HYDIN: variants seen among roughly 807,000 people sequenced by gnomAD.
HYDIN encodes the protein HYDIN axonemal central pair apparatus protein.
A neutral mutation model predicts 403.9 loss-of-function variants in HYDIN; 132 were observed. That is an observed-to-expected ratio of 0.33 (90% CI 0.28 to 0.38). The LOEUF (loss-of-function observed/expected upper bound fraction) is 0.38, where lower values mean the gene tolerates loss of function less well. Ranked by LOEUF, HYDIN falls within the 10% of genes least tolerant of loss-of-function variation. HYDIN has a pLI of 1.00. For missense variants in HYDIN, 2,827 were observed against 5,009.5 expected (o/e 0.56, Z 13.15); for synonymous variants, 1,202 against 1,891.7 (o/e 0.64, Z 9.46).
intron 1 of HYDIN, among the ~76,000 whole-genome samples, chr16:71,199,679 G>C (rs1456561665): frequency 6.6e-6 from 1 of 152,126 alleles, no homozygotes; most frequent in African/African-American, 2.4e-5. Context: ...GAATTACCTA[G>C]CCTACCATTA....
rs376404132 is a variant in HYDIN at position 70,866,191 on chromosome 16, C to G, written c.11449G>C (p.Val3817Leu). Residue 3817 changes from valine to leucine, a missense_variant, in exon 67 of 86, where the codon GTT becomes CTT. Val to Leu is a conservative substitution (Grantham distance 32, BLOSUM62 1). Transcript: ENST00000393567. ...ARDVRFKETL[V>L]YQTRVFEFDV... ...CACTCAAACACTCGGGTCTGGTAAA[C>G]CAAGGTTTCCTTAAAGCGCACATCT... The G allele has an allele frequency of 6.3e-7, 1 of 1,588,444 alleles. No individual in the cohort carries two copies. Among genetic ancestry groups the G allele is most frequent in the African/African-American group, 1.4e-5 (1 of 73,908 alleles).
chr16:71,224,406 C>A (rs1168963685), intron 1 of HYDIN, among the ~76,000 whole-genome samples: 1 of 151,964 alleles, frequency 6.6e-6, no homozygotes, highest in African/African-American at 2.4e-5. Context: ...ATCCATGTAA[C>A]GAAAAACCAC....
chr16:71,197,890 G>A (rs781766264), intron 1 of HYDIN, among the ~76,000 whole-genome samples: 2 of 152,286 alleles, frequency 1.3e-5, no homozygotes, highest in Non-Finnish European at 1.5e-5. Flanking sequence ...TGGGATTACA[G>A]GCATCTGCCA....
In HYDIN at chr16:71,067,483, T is replaced by C. The variant is rs1321703347; in HGVS notation, c.1975-93A>G. ...CTCCGGAGGACTACGCTGATCAGAG[T>C]GGTTTCTAAGTGCTTTATGGATATA... On this transcript the variant is annotated intron_variant, in intron 14 of 85. Transcript: ENST00000393567. 2.9e-5 allele frequency: 20 copies of C among 688,902 alleles called. No homozygotes were observed. In the East Asian group the frequency reaches 5.1e-4, roughly 17 times the overall value. The allele number at this position is 688,902 out of a possible 1,614,324, so 42.7% of individuals were successfully genotyped here. A position where few individuals can be genotyped will look rare whatever the true frequency, so the allele number is the denominator to read the frequency against.
chr16:71,067,712 T>C (rs2082323105), intron 14 of HYDIN, among the ~76,000 whole-genome samples: 1 of 152,122 alleles, frequency 6.6e-6, no homozygotes, highest in Non-Finnish European at 1.5e-5. Flanking sequence ...CTTTAATTAC[T>C]GCAATTTAAA....
At chr16:70,936,837 C>T (rs1387202224) in intron 44 of HYDIN, among the ~76,000 whole-genome samples, 2 of 150,868 alleles carry the variant, frequency 1.3e-5, no homozygotes, top group Non-Finnish European at 1.5e-5. Context: ...CAGCCAGAAA[C>T]GGTATTTTCA....
At chr16:71,045,149 C>T (rs1416080416) in intron 18 of HYDIN, among the ~76,000 whole-genome samples, 1 of 152,158 alleles carries the variant, frequency 6.6e-6, no homozygotes, top group Non-Finnish European at 1.5e-5. Context: ...TAGAAAGCTA[C>T]TTTTAACTTT....
intron 12 of HYDIN, among the ~76,000 whole-genome samples, chr16:71,082,475 A>G (rs1450508018): frequency 6.6e-6 from 1 of 151,270 alleles, no homozygotes; most frequent in Non-Finnish European, 1.5e-5. Flanking sequence ...ATCCCCATAA[A>G]GATTCTTTCC....
intron 55 of HYDIN, chr16:70,894,090 G>A (rs908797302): frequency 4.2e-5 from 7 of 168,438 alleles, no homozygotes; most frequent in East Asian, 3.4e-4. Context: ...TCCCCCTCCC[G>A]GCCTCTTCCC....
At chr16:71,010,894 T>C (rs1435434357) in intron 23 of HYDIN, among the ~76,000 whole-genome samples, 2 of 152,116 alleles carry the variant, frequency 1.3e-5, no homozygotes, top group Non-Finnish European at 2.9e-5. Flanking sequence ...GAGTGACAGG[T>C]AGGGAGGGGA....
At chr16:71,188,573 C>T (rs3902443) in intron 1 of HYDIN, among the ~76,000 whole-genome samples, 52,641 of 151,986 alleles carry the variant, frequency 0.35, 9,559 homozygotes, top group East Asian at 0.57. Context: ...GATGATGTAA[C>T]AGTTATTATT....
intron 18 of HYDIN, among the ~76,000 whole-genome samples, chr16:71,040,992 T>C (rs1013619525): frequency 7.3e-5 from 11 of 151,356 alleles, no homozygotes; most frequent in African/African-American, 2.7e-4. Flanking sequence ...CCCAGCTGTA[T>C]TGTTTGTATA....
At chr16:71,018,600 A>T (rs2080345257) in intron 22 of HYDIN, among the ~76,000 whole-genome samples, 158 bp from the exon 23 acceptor site, 1 of 152,210 alleles carries the variant, frequency 6.6e-6, no homozygotes. Flanking sequence ...AAACACACAT[A>T]TTAGTATGAA....
intron 1 of HYDIN, 44 bp downstream of exon 1, chr16:71,230,518 G>A (rs2041234999): frequency 6.7e-7 from 1 of 1,500,290 alleles, no homozygotes; most frequent in Middle Eastern, 1.7e-4. Context: ...TAGCCCCCAT[G>A]TCCCTCACAC....
chr16:70,899,244 A>C, intron 53 of HYDIN, among the ~76,000 whole-genome samples: 1 of 151,502 alleles, frequency 6.6e-6, no homozygotes, highest in Non-Finnish European at 1.5e-5. Flanking sequence ...ATATGACCTT[A>C]TTTGGAAAAA....
intron 10 of HYDIN, among the ~76,000 whole-genome samples, chr16:71,098,481 C>A (rs983211133): frequency 1.6e-4 from 24 of 151,680 alleles, no homozygotes; most frequent in Non-Finnish European, 3.4e-4. Flanking sequence ...GGATTACAGG[C>A]GTGAGCCACC....
At chr16:71,206,160 T>C (rs1006044632) in intron 1 of HYDIN, among the ~76,000 whole-genome samples, 1 of 152,078 alleles carries the variant, frequency 6.6e-6, no homozygotes, top group Non-Finnish European at 1.5e-5. Context: ...ACTCTGTGGG[T>C]GGACACAACC....
rs2079373915 is a variant in HYDIN at position 70,992,107 on chromosome 16, C to T, written c.3748G>A (p.Val1250Ile). The change falls in exon 24 of 86, where the codon GTA becomes ATA. Residue 1250 changes from valine (V) to isoleucine (I), a missense_variant. Val to Ile is a conservative substitution (Grantham distance 29). Transcript: ENST00000393567. ...AASPPAILVT[V>I]ESPEMDLNDF... ...TTTAAATCCATCTCGGGGGACTCTA[C>T]TGTAACTAGGATTGCTGGTGGGCTG... The T allele has an allele frequency of 1.2e-6, 2 of 1,613,448 alleles. No homozygotes were observed. The highest frequency in any genetic ancestry group is 1.7e-6 in the Non-Finnish European group (2 of 1,179,762).
At chr16:71,173,571 G>T (rs1345948764) in intron 5 of HYDIN, among the ~76,000 whole-genome samples, 1 of 152,156 alleles carries the variant, frequency 6.6e-6, no homozygotes, top group Non-Finnish European at 1.5e-5. Flanking sequence ...AAAGAAGACA[G>T]ACTAGCATGA....
Sources: allele counts gnomAD v4.1 joint callset (sites outside exome capture counted in the v4.1 genomes callset), GRCh38; gene constraint gnomAD v4.1.1; transcripts MANE v1.5; gene names NCBI Gene and HGNC (gene_info 2026-07-23, HGNC 2026-07-21).